Variants in RIPOR2 observed in about 807,000 individuals in gnomAD.
The protein encoded by RIPOR2 is rho family-interacting cell polarization regulator 2.
Under a neutral mutation model 114.5 loss-of-function variants are expected in RIPOR2, and 39 were observed. The ratio of observed to expected loss-of-function variants is 0.34; its 90% CI spans 0.26 to 0.44. The LOEUF is 0.44. Ranked by LOEUF, RIPOR2 falls within the 20% of genes least tolerant of loss-of-function variation. The pLI is 1.00. For synonymous variants in RIPOR2, 445 were observed against 484.4 expected (o/e 0.92, Z 1.07); for missense variants, 1,007 against 1,255.1 (o/e 0.80, Z 2.99).
At position 24,842,736 on chromosome 6, in the gene RIPOR2, A is replaced by G. The variant is rs952519391; in HGVS notation, c.1857+126T>C. 16 of 452,814 alleles carry G rather than the reference A, an allele frequency of 3.5e-5. No individual in the cohort carries two copies. In the East Asian group the frequency reaches 4.7e-4, roughly 13 times the overall value. The allele number at this position is 452,814 out of a possible 1,614,324, so 28.0% of individuals were successfully genotyped here. ...TGGCATATTAGTGCCATTTAAAATG[A>G]TGATGAGCTATTAATCCTGTGATTG... On this transcript the variant is annotated intron_variant, in intron 13 of 21. Coordinates refer to ENST00000643898, the MANE Select transcript of RIPOR2 (RefSeq NM_001286445.3).
At chr6:25,004,309 A>G (rs1775450198) in intron 1 of RIPOR2, among the ~76,000 whole-genome samples, 1 of 152,224 alleles carries the variant, frequency 6.6e-6, no homozygotes, top group African/African-American at 2.4e-5. Context: ...TTAGACCACC[A>G]AAGTCATGTA....
At chr6:24,832,885 G>T (rs1204775828) in intron 15 of RIPOR2, among the ~76,000 whole-genome samples, 2 of 152,200 alleles carry the variant, frequency 1.3e-5, no homozygotes, top group African/African-American at 4.8e-5. Flanking sequence ...TGCTCACTAT[G>T]TGCCAGGCAC....
At chr6:24,981,771 A>G (rs1220082107) in intron 1 of RIPOR2, among the ~76,000 whole-genome samples, 1 of 152,264 alleles carries the variant, frequency 6.6e-6, no homozygotes, top group African/African-American at 2.4e-5. Context: ...CAGTGTTGTC[A>G]TCTATGAAAT....
intron 1 of RIPOR2, among the ~76,000 whole-genome samples, chr6:24,974,966 C>T (rs913544656): frequency 4.6e-5 from 7 of 152,112 alleles, no homozygotes; most frequent in African/African-American, 1.7e-4. Context: ...AGAAAGTAGA[C>T]TGGTGGTTGC....
Position 24,828,283 on chromosome 6 carries a change from A to G in RIPOR2, c.2519T>C (p.Leu840Pro). ...AGCCCGGTCCAGAATTTGGGACACC[A>G]GGGTTCGAAACACTATTCGGAAGGG... ...PGLADPVFRT[L>P]VSQILDRAEP... is the part of the protein sequence containing the mutation. Residue 840 changes from leucine to proline, a missense_variant, in exon 18 of 22, where the codon CTG becomes CCG. By Grantham distance (98) the Leu-to-Pro change is moderately conservative. Transcript: ENST00000643898. 1 of 1,547,276 alleles carries G rather than the reference A, an allele frequency of 6.5e-7. No individual in the cohort carries two copies. The highest frequency in any genetic ancestry group is 1.2e-5 in the South Asian group (1 of 83,622).
chr6:24,916,172 A>C (rs1224193754), intron 1 of RIPOR2, among the ~76,000 whole-genome samples: 1 of 152,202 alleles, frequency 6.6e-6, no homozygotes, highest in African/African-American at 2.4e-5. Context: ...TACTGCCTGA[A>C]AATTCTCTGC....
chr6:24,937,838 G>C (rs376253078), upstream of RIPOR2, among the ~76,000 whole-genome samples: 4 of 152,132 alleles, frequency 2.6e-5, no homozygotes, highest in East Asian at 7.7e-4. Flanking sequence ...GTTACCTCAT[G>C]TCTGGACAAC....
rs761967400 is a variant in RIPOR2, at chr6:24,849,905, C to T, written c.931G>A (p.Val311Met). The change falls in exon 11 of 22, where the codon GTG becomes ATG. Residue 311 changes from valine to methionine, a missense_variant. Coordinates refer to ENST00000643898, the MANE Select transcript of RIPOR2 (RefSeq NM_001286445.3). ...AACAGCTCTTTGGTCTCACAGGTCA[C>T]GCTACCTACCAGGATGTGAGTTGCT... Reference protein sequence around the residue: ...GLATHILVGSVTCETKELFAA... With the variant: ...GLATHILVGSMTCETKELFAA... The T allele has an allele frequency of 4.3e-6, 7 of 1,613,868 alleles. No individual in the cohort carries two copies. Among genetic ancestry groups the T allele is most frequent in the East Asian group, 2.2e-5 (1 of 44,884 alleles).
chr6:24,964,177 G>A (rs1456289247), intron 1 of RIPOR2, among the ~76,000 whole-genome samples: 1 of 145,656 alleles, frequency 6.9e-6, no homozygotes, highest in Non-Finnish European at 1.5e-5. Flanking sequence ...GTGTGTGTGT[G>A]TGTTTCTTTG....
intron 1 of RIPOR2, among the ~76,000 whole-genome samples, chr6:24,977,740 G>T (rs1367099162): frequency 2.6e-5 from 4 of 152,116 alleles, no homozygotes; most frequent in Non-Finnish European, 4.4e-5. Flanking sequence ...TAAACATCTG[G>T]CTCTTGAAAT....
Position 24,809,784 on chromosome 6 carries a change from C to A in RIPOR2, c.2976G>T (p.Leu992=). The change falls in exon 21 of 22, where the codon CTG becomes CTT. Residue 992 remains leucine (L), a synonymous_variant. Coordinates refer to ENST00000643898, the MANE Select transcript of RIPOR2 (RefSeq NM_001286445.3). The part of the protein sequence containing the change: ...ILEATESIKM[L]VTLCQSDTEE... ...CAGTATCAGATTGACACAATGTCAC[C>A]AGCATTTTAATGCTTTCAGTAGCCT... is the stretch of plus-strand genomic sequence containing the variant. 1.3e-6 allele frequency: 2 copies of A among 1,550,474 alleles called. No individual in the cohort carries two copies. The highest frequency in any genetic ancestry group is 8.7e-7 in the Non-Finnish European group (1 of 1,145,910).
chr6:24,894,718 C>A (rs148914131), intron 1 of RIPOR2, among the ~76,000 whole-genome samples: 1 of 152,284 alleles, frequency 6.6e-6, no homozygotes, highest in Admixed American at 6.5e-5. Flanking sequence ...AACCACTAGG[C>A]GCTCATTGAG....
At chr6:24,901,785 C>G (rs960664908) in intron 1 of RIPOR2, among the ~76,000 whole-genome samples, 1 of 152,160 alleles carries the variant, frequency 6.6e-6, no homozygotes, top group Non-Finnish European at 1.5e-5. Flanking sequence ...AAGTGGACCT[C>G]CCGGGGTGGA....
chr6:24,985,988 C>T (rs1359295954), intron 1 of RIPOR2, among the ~76,000 whole-genome samples: 1 of 152,140 alleles, frequency 6.6e-6, no homozygotes, highest in Non-Finnish European at 1.5e-5. Flanking sequence ...GCTGCATGAA[C>T]AGAGAATGGG....
chr6:24,928,622 ATTTAAACCTT>A (rs1346403273), intron 1 of RIPOR2, among the ~76,000 whole-genome samples: 2 of 152,248 alleles, frequency 1.3e-5, no homozygotes, highest in African/African-American at 4.8e-5. Context: ...TAGTATAAAT[ATTTAAACCTT>A]TAACTCCCAA....
chr6:24,878,380 C>T (rs1344085100), intron 1 of RIPOR2, among the ~76,000 whole-genome samples: 1 of 152,100 alleles, frequency 6.6e-6, no homozygotes, highest in Non-Finnish European at 1.5e-5. Flanking sequence ...TCTTTCTGTA[C>T]TCAATTTGAC....
intron 1 of RIPOR2, among the ~76,000 whole-genome samples, chr6:24,894,554 A>G (rs1767669162): frequency 6.6e-6 from 1 of 152,178 alleles, no homozygotes; most frequent in South Asian, 2.1e-4. Context: ...GAGGATCATC[A>G]GTTCTCAGAA....
intron 1 of RIPOR2, among the ~76,000 whole-genome samples, chr6:25,030,155 A>G (rs1776851769): frequency 6.6e-6 from 1 of 151,968 alleles, no homozygotes; most frequent in Non-Finnish European, 1.5e-5. Flanking sequence ...CAGGTCTTAA[A>G]TGGGGGGAAA....
chr6:24,900,827 T>C (rs1768373216), intron 1 of RIPOR2, among the ~76,000 whole-genome samples: 1 of 152,144 alleles, frequency 6.6e-6, no homozygotes, highest in Non-Finnish European at 1.5e-5. Context: ...TTATGTGTTG[T>C]TGTTGTTGTT....
Sources: allele counts gnomAD v4.1 joint callset (sites outside exome capture counted in the v4.1 genomes callset), GRCh38; gene constraint gnomAD v4.1.1; transcripts MANE v1.5; gene names NCBI Gene and HGNC (gene_info 2026-07-23, HGNC 2026-07-21).